The following FAM98B variants were observed in gnomAD, a reference collection of about 807,000 sequenced individuals.
The protein encoded by FAM98B is tRNA-splicing ligase complex subunit FAM98B.
Under a neutral mutation model 43.9 loss-of-function variants are expected in FAM98B, and 32 were observed. The ratio of observed to expected loss-of-function variants is 0.73; its 90% CI spans 0.55 to 0.98. FAM98B has a LOEUF of 0.98. Ranked by LOEUF, FAM98B falls within the 50% of genes least tolerant of loss-of-function variation. FAM98B has a pLI of 0.00. For missense variants in FAM98B, 514 were observed against 522.9 expected, an observed-to-expected ratio of 0.98 and a Z score of 0.17; for synonymous variants, 190 against 174.0, an observed-to-expected ratio of 1.09 and a Z score of -0.72.
intron 1 of FAM98B, among the ~76,000 whole-genome samples, chr15:38,456,536 C>T (rs1321198003): frequency 6.6e-6 from 1 of 152,070 alleles, no homozygotes; most frequent in Admixed American, 6.6e-5. Flanking sequence ...TGGTTCCTAC[C>T]CTTGTGGAGT....
intron 6 of FAM98B, among the ~76,000 whole-genome samples, chr15:38,478,239 AT>A (rs1194922633): frequency 6.6e-6 from 1 of 152,164 alleles, no homozygotes; most frequent in Non-Finnish European, 1.5e-5. Context: ...TTTAGGAAAT[AT>A]CTTGATATTT....
rs147273065 is a variant in FAM98B, at chr15:38,483,897, A to G, written c.898-358A>G. Among the ~76,000 whole-genome samples, 36 of 152,142 alleles carry G rather than the reference A, an allele frequency of 2.4e-4. No individual in the cohort carries two copies. The East Asian group carries it at 6.2e-3, about 26-fold the overall frequency. On this transcript the variant is annotated intron_variant, in intron 7 of 7. Coordinates refer to ENST00000397609, the MANE Select transcript of FAM98B (RefSeq NM_173611.4). ...AGTGATGTTTTGATACATACAATGT[A>G]TAGTGATCAGACGGGGTGATTGGCA...
Position 38,484,902 on chromosome 15 carries a change from CAAAAA to C in FAM98B, c.*247_*251del, listed in dbSNP as rs202231500. The stretch of plus-strand genomic sequence containing the variant: ...GAGCATGTTGTGTCTTTTTAAAAAA[CAAAAA>C]AAAGAACAAAAATTATTTTTTAAAA... On this transcript the variant is annotated 3_prime_UTR_variant, in exon 8 of 8. Coordinates refer to ENST00000397609, the MANE Select transcript of FAM98B (RefSeq NM_173611.4). 2.2e-6 allele frequency: 1 copy of C among 452,578 alleles called. No individual in the cohort carries two copies. Among genetic ancestry groups the C allele is most frequent in the East Asian group, 4.1e-5 (1 of 24,436 alleles). 28.0% of individuals were successfully genotyped at this position (452,578 alleles called of 1,614,324 possible).
At chr15:38,474,578 GAGAT>G (rs1489451098) in intron 6 of FAM98B, among the ~76,000 whole-genome samples, 1 of 152,220 alleles carries the variant, frequency 6.6e-6, no homozygotes, top group Non-Finnish European at 1.5e-5. Context: ...ATGAGATAAT[GAGAT>G]AGATACAGTG....
chr15:38,475,341 T>A (rs142667192), intron 6 of FAM98B, among the ~76,000 whole-genome samples: 92 of 152,318 alleles, frequency 6.0e-4, no homozygotes, highest in African/African-American at 2.2e-3. Flanking sequence ...ATTAGTTTCC[T>A]ATGGCTGCTG....
intron 5 of FAM98B, 129 bp from the exon 6 acceptor site, chr15:38,474,053 G>A (rs1890161417): frequency 1.6e-6 from 1 of 622,060 alleles, no homozygotes. Context: ...AAAGTCTCAT[G>A]GGAACAGAAA....
intron 3 of FAM98B, 95 bp from the exon 4 acceptor site, chr15:38,470,131 AT>A: frequency 9.4e-7 from 1 of 1,069,192 alleles, no homozygotes; most frequent in South Asian, 2.1e-5. Flanking sequence ...CATTATTGGT[AT>A]TAATTGATAC....
intron 6 of FAM98B, among the ~76,000 whole-genome samples, chr15:38,479,766 C>G (rs1890256865): frequency 6.6e-6 from 1 of 152,012 alleles, no homozygotes; most frequent in Non-Finnish European, 1.5e-5. Context: ...TTTACTGTGT[C>G]AAAGGTTTTG....
At position 38,474,172 on chromosome 15, in the gene FAM98B, A is replaced by C. The variant is rs776316579; in HGVS notation, c.613-10A>C. 4.4e-6 allele frequency: 7 copies of C among 1,605,222 alleles called. No individual in the cohort carries two copies. The highest frequency in any genetic ancestry group is 2.2e-5 in the East Asian group (1 of 44,828). On this transcript the variant is annotated splice_polypyrimidine_tract_variant and intron_variant, in intron 5 of 7. Coordinates refer to ENST00000397609, the MANE Select transcript of FAM98B (RefSeq NM_173611.4). ...CTAAAGTTTATTATTTTTGTTTCCA[A>C]ATTTTTTAGGAACAACTGGAAAGAA...
chr15:38,473,546 A>G lies in FAM98B; in HGVS notation c.573A>G (p.Gly191=). Residue 191 remains glycine, a synonymous_variant, in exon 5 of 8, where the codon GGA becomes GGG. Coordinates refer to ENST00000397609, the MANE Select transcript of FAM98B (RefSeq NM_173611.4). ...CAAAGGTCCAGAAAAATCATGTGGG[A>G]AAACCACTGCTGAAAATGGATTTAA... The part of the protein sequence containing the change: ...ILSKVQKNHV[G]KPLLKMDLNS... 6.2e-7 allele frequency: 1 copy of G among 1,611,148 alleles called. No individual in the cohort carries two copies. The highest frequency in any genetic ancestry group is 8.5e-7 in the Non-Finnish European group (1 of 1,178,802).
At chr15:38,462,316 G>T (rs1889962169) in intron 1 of FAM98B, among the ~76,000 whole-genome samples, 1 of 152,116 alleles carries the variant, frequency 6.6e-6, no homozygotes, top group Non-Finnish European at 1.5e-5. Flanking sequence ...GAGGATACAA[G>T]ATTAAAATTG....
In FAM98B at chr15:38,454,131, A is replaced by C. The variant is rs767406998; in HGVS notation, c.-31A>C. The C allele has an allele frequency of 6.3e-7, 1 of 1,577,742 alleles. No homozygotes were observed. Among genetic ancestry groups the C allele is most frequent in the Non-Finnish European group, 8.6e-7 (1 of 1,162,212 alleles). ...GACGCTAGTTTCCGGCGGGCTACTT[A>C]GAGCGCCGAACAGCTCTGGGCCAAA... On this transcript the variant is annotated 5_prime_UTR_variant, in exon 1 of 8. Coordinates refer to ENST00000397609, the MANE Select transcript of FAM98B (RefSeq NM_173611.4).
At chr15:38,467,694 G>C (rs1890059109) in intron 3 of FAM98B, among the ~76,000 whole-genome samples, 2 of 152,118 alleles carry the variant, frequency 1.3e-5, no homozygotes, top group South Asian at 4.1e-4. Context: ...AGTGTACAAA[G>C]ATAAATGAAA....
chr15:38,475,416 T>G (rs1890181944), intron 6 of FAM98B, among the ~76,000 whole-genome samples: 1 of 152,216 alleles, frequency 6.6e-6, no homozygotes, highest in Non-Finnish European at 1.5e-5. Context: ...ATTTGGAGAT[T>G]AGCAGTCCTA....
In FAM98B at chr15:38,485,647, GA is replaced by G. The variant is rs1890358124; in HGVS notation, c.*990del. The G allele has an allele frequency of 6.6e-6, 1 of 152,174 alleles. No homozygotes were observed. The highest frequency in any genetic ancestry group is 1.5e-5 in the Non-Finnish European group (1 of 68,030). 9.4% of individuals were successfully genotyped at this position (152,174 alleles called of 1,614,324 possible). A position where few individuals can be genotyped will look rare whatever the true frequency, so the allele number is the denominator to read the frequency against. ...CTTAGCTATCAAGAGTTGTGAATTTGAATCATGGCACTAGGTCAGGGGTGCT... is the reference window on the plus strand; with the variant it reads ...CTTAGCTATCAAGAGTTGTGAATTTGATCATGGCACTAGGTCAGGGGTGCT... On this transcript the variant is annotated 3_prime_UTR_variant, in exon 8 of 8. Transcript: ENST00000397609.
At chr15:38,465,775 G>C (rs1457302944) in intron 3 of FAM98B, among the ~76,000 whole-genome samples, 2 of 151,920 alleles carry the variant, frequency 1.3e-5, no homozygotes, top group African/African-American at 4.8e-5. Context: ...ATAATTTGTT[G>C]ATCACTTACT....
intron 1 of FAM98B, among the ~76,000 whole-genome samples, chr15:38,460,951 A>G (rs1028803141): frequency 2.0e-5 from 3 of 152,190 alleles, no homozygotes; most frequent in African/African-American, 7.2e-5. Flanking sequence ...CACTTTCTAA[A>G]TGTTAGCCAC....
chr15:38,470,090 A>T, intron 3 of FAM98B, 137 bp from the exon 4 acceptor site: 1 of 722,226 alleles, frequency 1.4e-6, no homozygotes, highest in Non-Finnish European at 2.1e-6. Context: ...AGTGTTCTAC[A>T]ACTGTTGTTC....
chr15:38,469,897 G>A (rs1890097086), intron 3 of FAM98B, among the ~76,000 whole-genome samples: 1 of 151,960 alleles, frequency 6.6e-6, no homozygotes, highest in Non-Finnish European at 1.5e-5. Flanking sequence ...CTTAACTCCA[G>A]TAGGAGCTGC....
Sources: allele counts gnomAD v4.1 joint callset (sites outside exome capture counted in the v4.1 genomes callset), GRCh38; gene constraint gnomAD v4.1.1; transcripts MANE v1.5; gene names NCBI Gene and HGNC (gene_info 2026-07-23, HGNC 2026-07-21).